CASQ1: variants seen among roughly 807,000 people sequenced by gnomAD.
The protein encoded by CASQ1 is calsequestrin 1.
Under a neutral mutation model 49.5 loss-of-function variants are expected in CASQ1, and 40 were observed. The ratio of observed to expected loss-of-function variants is 0.81; its 90% CI spans 0.63 to 1.05. The LOEUF is 1.05. CASQ1 is among the 50% of genes least tolerant of loss of function. CASQ1 has a pLI of 0.00. For synonymous variants in CASQ1, 174 were observed against 187.2 expected (o/e 0.93, Z 0.58); for missense variants, 469 against 486.9 (o/e 0.96, Z 0.35).
rs1654125700 is a variant in CASQ1, at chr1:160,193,424, G to A, written c.365-323G>A. Among the ~76,000 whole-genome samples, 10 of 152,204 alleles carry A rather than the reference G, an allele frequency of 6.6e-5. No homozygotes were observed. In the South Asian group the frequency reaches 2.1e-3, roughly 31 times the overall value. On this transcript the variant is annotated intron_variant, in intron 2 of 10. Coordinates refer to ENST00000368078, the MANE Select transcript of CASQ1 (RefSeq NM_001231.5). Reference sequence around the variant, plus strand: ...GGGGTGGCATGAATACTCATCTCTAGTCGTTGCGGTCAGAGAAGGGGAGAA... The same window carrying A: ...GGGGTGGCATGAATACTCATCTCTAATCGTTGCGGTCAGAGAAGGGGAGAA...
chr1:160,198,546 C>T (rs1654297209), intron 7 of CASQ1, 131 bp from the exon 8 acceptor site: 2 of 674,270 alleles, frequency 3.0e-6, no homozygotes, highest in Non-Finnish European at 5.3e-6. Context: ...AAGAATATAT[C>T]TGGTCCTGAA....
Position 160,199,049 on chromosome 1 carries a change from C to T in CASQ1, c.980C>T (p.Pro327Leu), listed in dbSNP as rs1654308407. 18 of 1,591,326 alleles carry T rather than the reference C, an allele frequency of 1.1e-5. No individual in the cohort carries two copies. Among genetic ancestry groups the T allele is most frequent in the Non-Finnish European group, 1.5e-5 (17 of 1,159,274 alleles). The change falls in exon 9 of 11, where the codon CCC becomes CTC. Residue 327 changes from proline to leucine, a missense_variant. Coordinates refer to ENST00000368078, the MANE Select transcript of CASQ1 (RefSeq NM_001231.5). The stretch of plus-strand genomic sequence containing the variant: ...ATCTGGATTGACCCTGATGACTTCC[C>T]CCTGGTAAGAGGCACAGCTCAGGCA... The part of the protein sequence containing the change: ...SIIWIDPDDF[P>L]LLVPYWEKTF...
At chr1:160,199,174 G>T (rs12132035) in intron 9 of CASQ1, 121 bp downstream of exon 9, 1 of 715,430 alleles carries the variant, frequency 1.4e-6, no homozygotes. Flanking sequence ...GCCCTGGGAG[G>T]GTATGCGTGT....
intron 3 of CASQ1, 62 bp downstream of exon 3, chr1:160,193,909 C>T (rs1571048102): frequency 1.0e-6 from 1 of 993,882 alleles, no homozygotes; most frequent in Non-Finnish European, 1.6e-6. Flanking sequence ...CCCCTAGTCC[C>T]TACCAACCCC....
intron 10 of CASQ1, 123 bp downstream of exon 10, chr1:160,200,048 G>C: frequency 1.4e-6 from 1 of 711,800 alleles, no homozygotes; most frequent in Non-Finnish European, 2.6e-6. Context: ...GCCCAGTCTA[G>C]TGGCTGGATG....
intron 5 of CASQ1, 147 bp from the exon 6 acceptor site, chr1:160,195,750 G>A (rs759818132): frequency 2.1e-6 from 2 of 956,832 alleles, no homozygotes; most frequent in Middle Eastern, 2.2e-4. Flanking sequence ...CCCCAGGCAA[G>A]TTAAGACACT....
chr1:160,201,606 C>T lies in CASQ1; in HGVS notation c.*230C>T, dbSNP rs1654378662. On this transcript the variant is annotated 3_prime_UTR_variant, in exon 11 of 11. Transcript: ENST00000368078. ...CTCTTATCTGACTTCTGTTTCTTATCCCATAACTTACTTGTATCTATTATG... is the reference window on the plus strand; with the variant it reads ...CTCTTATCTGACTTCTGTTTCTTATTCCATAACTTACTTGTATCTATTATG... The T allele has an allele frequency of 3.5e-6, 2 of 579,208 alleles. No homozygotes were observed. The highest frequency in any genetic ancestry group is 6.2e-6 in the Non-Finnish European group (2 of 323,770). The allele number at this position is 579,208 out of a possible 1,614,324, so 35.9% of individuals were successfully genotyped here. A position where few individuals can be genotyped will look rare whatever the true frequency, so the allele number is the denominator to read the frequency against.
intron 7 of CASQ1, among the ~76,000 whole-genome samples, chr1:160,197,856 A>C (rs1393621535): frequency 2.6e-5 from 4 of 151,966 alleles, no homozygotes; most frequent in Admixed American, 6.6e-5. Context: ...ATCTCTACTG[A>C]AAATACAAAA....
At chr1:160,195,683 A>C in intron 5 of CASQ1, 149 bp downstream of exon 5, 2 of 777,016 alleles carry the variant, frequency 2.6e-6, no homozygotes, top group Non-Finnish European at 4.2e-6. Flanking sequence ...CACTCCATAG[A>C]TTTAGAGCTG....
chr1:160,199,857 C>G lies in CASQ1; in HGVS notation c.991C>G (p.Pro331Ala). 1.2e-6 allele frequency: 2 copies of G among 1,609,446 alleles called. No individual in the cohort carries two copies. The highest frequency in any genetic ancestry group is 1.7e-6 in the Non-Finnish European group (2 of 1,175,700). The change falls in exon 10 of 11, where the codon CCA becomes GCA. Residue 331 changes from proline to alanine, a missense_variant. Coordinates refer to ENST00000368078, the MANE Select transcript of CASQ1 (RefSeq NM_001231.5). ...TATTTTGATCTCTCTACAGCTGGTCCCATACTGGGAGAAGACGTTTGACAT... is the reference window on the plus strand; with the variant it reads ...TATTTTGATCTCTCTACAGCTGGTCGCATACTGGGAGAAGACGTTTGACAT... ...IDPDDFPLLV[P>A]YWEKTFDIDL... is the part of the protein sequence containing the mutation.
intron 1 of CASQ1, 23 bp downstream of exon 1, chr1:160,191,053 C>T (rs1394673084): frequency 1.9e-6 from 3 of 1,611,054 alleles, no homozygotes. Context: ...CACTGCAGGC[C>T]TGCAGAGCAT....
chr1:160,194,883 CA>C (rs1227924869), intron 3 of CASQ1, 128 bp from the exon 4 acceptor site: 22 of 604,532 alleles, frequency 3.6e-5, no homozygotes, highest in East Asian at 1.1e-4. Flanking sequence ...TGCAATCCCC[CA>C]CACACACACC....
At chr1:160,195,632 C>A (rs1168044619) in intron 5 of CASQ1, 98 bp downstream of exon 5, 5 of 1,083,444 alleles carry the variant, frequency 4.6e-6, no homozygotes, top group Admixed American at 3.6e-5. Context: ...TCCCTTCCTA[C>A]GTGCTGGCAC....
rs141157148 is a variant in CASQ1, at chr1:160,195,474, C to T, written c.591C>T (p.Phe197=). 128 of 1,613,948 alleles carry T rather than the reference C, an allele frequency of 7.9e-5. No homozygotes were observed. The highest frequency in any genetic ancestry group is 1.0e-4 in the Non-Finnish European group (118 of 1,179,940). The change falls in exon 5 of 11, where the codon TTC becomes TTT. Residue 197 remains phenylalanine (F), a synonymous_variant. Coordinates refer to ENST00000368078, the MANE Select transcript of CASQ1 (RefSeq NM_001231.5). Reference sequence around the variant, plus strand: ...TCCACCCCCCAGATTACAAAGCCTTCGAGGATGCAGCTGAGGAGTTTCATC... The same window carrying T: ...TCCACCCCCCAGATTACAAAGCCTTTGAGGATGCAGCTGAGGAGTTTCATC... ...KSKDSEHYKA[F]EDAAEEFHPY... is the part of the protein sequence containing the mutation.
chr1:160,200,482 T>C (rs1654344278), intron 10 of CASQ1, among the ~76,000 whole-genome samples: 1 of 152,220 alleles, frequency 6.6e-6, no homozygotes, highest in South Asian at 2.1e-4. Context: ...CATTGATTTC[T>C]GCTTGACAGA....
chr1:160,193,042 G>T (rs1477415393), intron 2 of CASQ1, among the ~76,000 whole-genome samples, 156 bp downstream of exon 2: 2 of 152,132 alleles, frequency 1.3e-5, no homozygotes, highest in Admixed American at 1.3e-4. Context: ...ATATGAGGTT[G>T]GGAGGGTTAT....
Position 160,195,543 on chromosome 1 carries a change from C to T in CASQ1, c.651+9C>T, listed in dbSNP as rs372138816. Reference sequence around the variant, plus strand: ...CCACCTTCGACAGCAAGGTTCTCCTCCCCGCAGCTGTATTGGTTCTGCCTC... The same window carrying T: ...CCACCTTCGACAGCAAGGTTCTCCTTCCCGCAGCTGTATTGGTTCTGCCTC... On this transcript the variant is annotated intron_variant, in intron 5 of 10. Coordinates refer to ENST00000368078, the MANE Select transcript of CASQ1 (RefSeq NM_001231.5). 1.9e-6 allele frequency: 3 copies of T among 1,612,180 alleles called. No homozygotes were observed. The highest frequency in any genetic ancestry group is 3.3e-4 in the Middle Eastern group (2 of 6,058).
chr1:160,191,835 C>T (rs1220479914), intron 1 of CASQ1, among the ~76,000 whole-genome samples: 2 of 98,846 alleles, frequency 2.0e-5, no homozygotes, highest in African/African-American at 1.2e-4. Flanking sequence ...GTGGCCCCTT[C>T]TCTGGCCTCA....
intron 7 of CASQ1, 104 bp downstream of exon 7, chr1:160,197,718 A>G: frequency 1.2e-6 from 1 of 832,120 alleles, no homozygotes; most frequent in Non-Finnish European, 2.1e-6. Flanking sequence ...CCATTTTTAG[A>G]AAAAACAGTG....
Sources: allele counts gnomAD v4.1 joint callset (sites outside exome capture counted in the v4.1 genomes callset), GRCh38; gene constraint gnomAD v4.1.1; transcripts MANE v1.5; gene names NCBI Gene and HGNC (gene_info 2026-07-23, HGNC 2026-07-21).